ZNF100: variants seen among roughly 807,000 people sequenced by gnomAD.
ZNF100 encodes zinc finger protein 100.
A neutral mutation model predicts 15.8 loss-of-function variants in ZNF100; 12 were observed. That is an observed-to-expected ratio of 0.76 (90% CI 0.49 to 1.23). ZNF100 has a LOEUF of 1.23. ZNF100 is among the 50% of genes most tolerant of loss of function. The pLI is 0.00. For missense variants in ZNF100, 670 were observed against 635.6 expected, an observed-to-expected ratio of 1.05 and a Z score of -0.58; for synonymous variants, 226 against 214.8, an observed-to-expected ratio of 1.05 and a Z score of -0.45.
chr19:21,736,215 G>A (rs1356216246), intron 4 of ZNF100, among the ~76,000 whole-genome samples: 5 of 152,278 alleles, frequency 3.3e-5, no homozygotes, highest in Non-Finnish European at 5.9e-5. Context: ...AGCTTCCTGA[G>A]TAGGTGGGAT....
rs373017211 is a variant in ZNF100, at chr19:21,766,543, T to C, written c.4-757A>G. The stretch of plus-strand genomic sequence containing the variant: ...TACACAACCAGGAAATCTTCACCTG[T>C]ATTGTACAAATCAAGAAACTACGTT... On this transcript the variant is annotated intron_variant, in intron 1 of 4. Transcript: ENST00000358296. 8.5e-5 allele frequency among the ~76,000 whole-genome samples: 13 copies of C among 152,276 alleles called. No individual in the cohort carries two copies. The East Asian group carries it at 2.3e-3, about 27-fold the overall frequency.
chr19:21,748,902 C>A (rs1233866715), intron 2 of ZNF100, among the ~76,000 whole-genome samples: 2 of 152,302 alleles, frequency 1.3e-5, no homozygotes, highest in East Asian at 3.9e-4. Context: ...GACAGGGTTT[C>A]TCCATGTTGT....
At position 21,731,064 on chromosome 19, in the gene ZNF100, C is replaced by T. The variant is rs1403346931; in HGVS notation, c.323-3075G>A. Reference sequence around the variant, plus strand: ...AAGAGACAATAAAGTACCCAAGAGTCTTCAAAAAAAAGAAAATGTTGAAGG... The same window carrying T: ...AAGAGACAATAAAGTACCCAAGAGTTTTCAAAAAAAAGAAAATGTTGAAGG... On this transcript the variant is annotated intron_variant, in intron 4 of 4. Transcript: ENST00000358296. 2.0e-5 allele frequency among the ~76,000 whole-genome samples: 3 copies of T among 149,760 alleles called. No homozygotes were observed. In the East Asian group the frequency reaches 5.8e-4, roughly 29 times the overall value.
In ZNF100 at chr19:21,734,647, C is replaced by T. The variant is rs143279537; in HGVS notation, c.323-6658G>A. Among the ~76,000 whole-genome samples the T allele has an allele frequency of 2.0e-3, 308 of 152,148 alleles. 2 individuals are homozygous for T. Among genetic ancestry groups the T allele is most frequent in the African/African-American group, 7.1e-3 (294 of 41,506 alleles). On this transcript the variant is annotated intron_variant, in intron 4 of 4. Transcript: ENST00000358296. ...TGGAAAACATACTTCAGGATATCAT[C>T]GAGAAAAACTTTTCCAACCTAACAA...
chr19:21,739,945 CA>C (rs1407627644), intron 4 of ZNF100, among the ~76,000 whole-genome samples: 109 of 152,172 alleles, frequency 7.2e-4, no homozygotes, highest in African/African-American at 2.5e-3. Context: ...AAATTCAGTA[CA>C]ATCTCTATAA....
chr19:21,755,319 A>G (rs966482299), intron 2 of ZNF100, among the ~76,000 whole-genome samples: 8 of 60,962 alleles, frequency 1.3e-4, no homozygotes, highest in Non-Finnish European at 3.1e-4. Flanking sequence ...AGAAAAAAGA[A>G]AAAAAGAAAA....
chr19:21,737,053 C>T (rs1036888568), intron 4 of ZNF100, among the ~76,000 whole-genome samples: 17 of 150,438 alleles, frequency 1.1e-4, no homozygotes, highest in African/African-American at 3.2e-4. Context: ...CAGAGTGGAA[C>T]CATAGGAGAT....
At chr19:21,765,810 G>A (rs1479867009) in intron 1 of ZNF100, 24 bp from the exon 2 acceptor site, 2 of 1,598,084 alleles carry the variant, frequency 1.3e-6, no homozygotes, top group East Asian at 4.5e-5. Context: ...TAAACCAGAA[G>A]CTGACATTCA....
At chr19:21,743,876 C>G in intron 4 of ZNF100, 141 bp downstream of exon 4, 1 of 679,690 alleles carries the variant, frequency 1.5e-6, no homozygotes, top group Non-Finnish European at 2.1e-6. Context: ...AAAAAAAAAG[C>G]CCAAAAAACA....
intron 4 of ZNF100, among the ~76,000 whole-genome samples, chr19:21,740,575 G>A (rs773485366): frequency 1.3e-5 from 2 of 152,160 alleles, no homozygotes; most frequent in Non-Finnish European, 2.9e-5. Context: ...TAATATTCGG[G>A]CCAGGTGCAG....
intron 4 of ZNF100, among the ~76,000 whole-genome samples, chr19:21,729,947 A>G (rs1813083253): frequency 6.6e-6 from 1 of 152,040 alleles, no homozygotes; most frequent in Admixed American, 6.6e-5. Flanking sequence ...GTAATCCCCA[A>G]GGTCCAAAAA....
At chr19:21,742,417 C>T (rs2036130735) in intron 4 of ZNF100, among the ~76,000 whole-genome samples, 1 of 146,400 alleles carries the variant, frequency 6.8e-6, no homozygotes, top group African/African-American at 2.5e-5. Context: ...TTGCTTGAAC[C>T]CGGGAGGCAG....
At chr19:21,728,616 T>G (rs902268345) in intron 4 of ZNF100, among the ~76,000 whole-genome samples, 1 of 152,042 alleles carries the variant, frequency 6.6e-6, no homozygotes. Context: ...AAGAACATGT[T>G]TGAGAGACTC....
chr19:21,729,341 T>C (rs2035871917), intron 4 of ZNF100, among the ~76,000 whole-genome samples: 2 of 149,684 alleles, frequency 1.3e-5, no homozygotes, highest in East Asian at 2.0e-4. Context: ...AAACCCTACA[T>C]ACAAAATGTA....
chr19:21,747,580 A>G lies in ZNF100; in HGVS notation c.97-2513T>C, dbSNP rs145478617. Among the ~76,000 whole-genome samples, 1,144 of 152,338 alleles carry G rather than the reference A, an allele frequency of 7.5e-3. 16 individuals are homozygous for G. The highest frequency in any genetic ancestry group is 0.027 in the African/African-American group (1,103 of 41,576). The stretch of plus-strand genomic sequence containing the variant: ...CTCCCCCAGGCTCATCATTAGCATT[A>G]GTGAGAGAAAGCAGGCACCGCACAG... On this transcript the variant is annotated intron_variant, in intron 2 of 4. Transcript: ENST00000358296.
chr19:21,752,763 GC>G (rs1398150858), intron 2 of ZNF100: 1 of 152,182 alleles, frequency 6.6e-6, no homozygotes, highest in Non-Finnish European at 1.5e-5. Flanking sequence ...TATAGTTTGG[GC>G]CCTCCAAGGT....
rs2036186567 is a variant in ZNF100 at position 21,745,013 on chromosome 19, A to T, written c.151T>A (p.Cys51Ser). 6.2e-7 allele frequency: 1 copy of T among 1,613,040 alleles called. No homozygotes were observed. ...AAACCCTGCTGAGCACTGTCCAGGC[A>T]TTGCCACTCCTCCAGAGAGAATTCT... ...AIEFSLEEWQ[C>S]LDSAQQGLYR... Residue 51 changes from cysteine to serine, a missense_variant, in exon 3 of 5, where the codon TGC becomes AGC. Physicochemically the swap from Cys to Ser is moderately radical, Grantham distance 112. Transcript: ENST00000358296.
intron 2 of ZNF100, among the ~76,000 whole-genome samples, chr19:21,747,372 T>A (rs990094169): frequency 2.0e-5 from 3 of 151,686 alleles, no homozygotes; most frequent in East Asian, 3.9e-4. Flanking sequence ...TGCCAACTGG[T>A]CATGTGATCT....
At chr19:21,744,878 A>T in intron 3 of ZNF100, 63 bp downstream of exon 3, 1 of 1,579,328 alleles carries the variant, frequency 6.3e-7, no homozygotes, top group East Asian at 2.2e-5. Context: ...ACCAAAAATC[A>T]TTCCACAAAA....
Sources: allele counts gnomAD v4.1 joint callset (sites outside exome capture counted in the v4.1 genomes callset), GRCh38; gene constraint gnomAD v4.1.1; transcripts MANE v1.5; gene names NCBI Gene and HGNC (gene_info 2026-07-23, HGNC 2026-07-21).